The following SPTLC1 variants were observed in gnomAD, a reference collection of about 807,000 sequenced individuals.
SPTLC1 encodes the protein serine palmitoyltransferase long chain base subunit 1.
SPTLC1 carries 55 observed loss-of-function variants against 68.9 expected under a neutral mutation model. That is an observed-to-expected ratio of 0.80 (90% CI 0.64 to 1.00). The LOEUF is 1.00. Among genes scored for constraint, SPTLC1 ranks in the 50% least tolerant of loss-of-function variants. The probability of loss-of-function intolerance (pLI) is 0.00; values close to 1 mark genes in which losing one functional copy is unlikely to be tolerated. For synonymous variants in SPTLC1, 197 were observed against 201.6 expected (o/e 0.98, Z 0.19); for missense variants, 449 against 573.1 (o/e 0.78, Z 2.21).
chr9:92,073,499 T>G (rs1321786022), intron 5 of SPTLC1, among the ~76,000 whole-genome samples: 6 of 152,138 alleles, frequency 3.9e-5, no homozygotes, highest in Admixed American at 6.5e-5. Context: ...AGCCGTGAAT[T>G]ATGACAAACT....
At chr9:92,092,742 C>G (rs867645973) in intron 3 of SPTLC1, among the ~76,000 whole-genome samples, 16 of 151,746 alleles carry the variant, frequency 1.1e-4, no homozygotes, top group Middle Eastern at 3.4e-3. Context: ...CTCCCTCCCC[C>G]CAAAAAAAGT....
chr9:92,034,622 G>A (rs1833080647), intron 14 of SPTLC1, among the ~76,000 whole-genome samples, 188 bp downstream of exon 14: 1 of 152,172 alleles, frequency 6.6e-6, no homozygotes, highest in Non-Finnish European at 1.5e-5. Context: ...GTGAGTCCTT[G>A]GGAGCTTTTC....
intron 4 of SPTLC1, among the ~76,000 whole-genome samples, chr9:92,080,383 A>G (rs959294098): frequency 1.3e-5 from 2 of 152,180 alleles, no homozygotes; most frequent in Non-Finnish European, 2.9e-5. Flanking sequence ...ACCCTTCTCC[A>G]ACTATTCTCT....
At chr9:92,109,534 C>T (rs1836144839) in intron 2 of SPTLC1, 2 of 152,216 alleles carry the variant, frequency 1.3e-5, no homozygotes, top group Admixed American at 6.5e-5. Context: ...TTTCACCCTT[C>T]CACAAATCTC....
In SPTLC1 at chr9:92,031,521, C is replaced by A. The variant is rs1183677012; in HGVS notation, c.*944G>T. 1 of 152,104 alleles carries A rather than the reference C, an allele frequency of 6.6e-6. No homozygotes were observed. The highest frequency in any genetic ancestry group is 1.9e-4 in the East Asian group (1 of 5,198). 9.4% of individuals were successfully genotyped at this position (152,104 alleles called of 1,614,324 possible). On this transcript the variant is annotated 3_prime_UTR_variant, in exon 15 of 15. Coordinates refer to ENST00000262554, the MANE Select transcript of SPTLC1 (RefSeq NM_006415.4). ...AATGGTATTTTTAGTGCTTTCACAT[C>A]TTTTGTAGATATCTGGAATTTGTAA...
chr9:92,033,296 T>C (rs1175959969), intron 14 of SPTLC1, among the ~76,000 whole-genome samples: 2 of 152,236 alleles, frequency 1.3e-5, no homozygotes, highest in Non-Finnish European at 2.9e-5. Flanking sequence ...TTTATGTCAA[T>C]AGCAATGTGA....
intron 3 of SPTLC1, chr9:92,105,271 T>G (rs1404452514): frequency 6.5e-7 from 1 of 1,534,362 alleles, no homozygotes; most frequent in African/African-American, 1.4e-5. Context: ...AGCTTCCATG[T>G]CTATCTCCTG....
At chr9:92,089,654 A>C (rs1835285360) in intron 3 of SPTLC1, among the ~76,000 whole-genome samples, 1 of 152,236 alleles carries the variant, frequency 6.6e-6, no homozygotes, top group Non-Finnish European at 1.5e-5. Flanking sequence ...CTCTACAGGG[A>C]AAAACTGGAG....
At chr9:92,065,105 A>G (rs1412611828) in intron 6 of SPTLC1, among the ~76,000 whole-genome samples, 1 of 152,228 alleles carries the variant, frequency 6.6e-6, no homozygotes, top group Non-Finnish European at 1.5e-5. Context: ...AAAAGTACAA[A>G]GGATTTCTAT....
intron 3 of SPTLC1, among the ~76,000 whole-genome samples, chr9:92,089,910 G>A (rs12352341): frequency 0.11 from 16,416 of 152,202 alleles, 1,916 homozygotes; most frequent in African/African-American, 0.3. Flanking sequence ...ACACAGGCCA[G>A]GCCATGATGA....
intron 10 of SPTLC1, 60 bp from the exon 11 acceptor site, chr9:92,047,328 A>G: frequency 7.1e-7 from 1 of 1,413,742 alleles, no homozygotes; most frequent in Non-Finnish European, 1.0e-6. Context: ...TAAACATTTG[A>G]AAGGCACCAG....
At position 92,079,710 on chromosome 9, in the gene SPTLC1, C is replaced by T. The variant is rs111745922; in HGVS notation, c.427+306G>A. On this transcript the variant is annotated intron_variant, in intron 5 of 14. Transcript: ENST00000262554. ...TCCGCTCTCATCAGTGGACTGTGGGCAGAAGTATGAGGCCATCTCCCCTGC... is the reference window on the plus strand; with the variant it reads ...TCCGCTCTCATCAGTGGACTGTGGGTAGAAGTATGAGGCCATCTCCCCTGC... 903 of 777,812 alleles carry T rather than the reference C, an allele frequency of 1.2e-3. 8 individuals are homozygous for T. In the African/African-American group the frequency reaches 0.014, roughly 12 times the overall value. 48.2% of individuals were successfully genotyped at this position (777,812 alleles called of 1,614,324 possible).
chr9:92,036,908 T>C (rs998790244), intron 13 of SPTLC1, among the ~76,000 whole-genome samples: 3 of 151,890 alleles, frequency 2.0e-5, no homozygotes, highest in African/African-American at 7.3e-5. Flanking sequence ...GTCCACAGAG[T>C]TGTGCCTGAG....
intron 7 of SPTLC1, 141 bp downstream of exon 7, chr9:92,059,038 A>AGTC (rs1380226625): frequency 2.0e-6 from 2 of 1,001,850 alleles, no homozygotes; most frequent in African/African-American, 3.4e-5. Flanking sequence ...TCCAACACCA[A>AGTC]GTACATTTAA....
At chr9:92,071,566 G>A (rs1834493003) in intron 5 of SPTLC1, among the ~76,000 whole-genome samples, 1 of 152,162 alleles carries the variant, frequency 6.6e-6, no homozygotes, top group African/African-American at 2.4e-5. Flanking sequence ...GTGTTCTAAA[G>A]CCATGCAAGC....
In SPTLC1 at chr9:92,091,470, G is replaced by A. The variant is rs1355282237; in HGVS notation, c.261-10507C>T. Among the ~76,000 whole-genome samples the A allele has an allele frequency of 7.9e-5, 12 of 152,192 alleles. 1 individual carries two copies. The highest frequency in any genetic ancestry group is 7.9e-4 in the Admixed American group (12 of 15,282). ...ATATGGTATCCAAGATGCCTAGGAA[G>A]AATTAGAATAAAACTGCTGCATGGG... On this transcript the variant is annotated intron_variant, in intron 3 of 14. Transcript: ENST00000262554.
chr9:92,103,515 C>T (rs1458957794), intron 3 of SPTLC1, among the ~76,000 whole-genome samples: 1 of 152,242 alleles, frequency 6.6e-6, no homozygotes, highest in Admixed American at 6.5e-5. Context: ...CAAAGCCTGG[C>T]TGGGCCATGA....
At chr9:92,095,730 A>G (rs1835506379) in intron 3 of SPTLC1, among the ~76,000 whole-genome samples, 3 of 152,234 alleles carry the variant, frequency 2.0e-5, no homozygotes, top group Admixed American at 2.0e-4. Context: ...ACAAGGAGAA[A>G]GGTGACAAAA....
Position 92,067,993 on chromosome 9 carries a change from T to G in SPTLC1, c.533A>C (p.Tyr178Ser). 6.2e-7 allele frequency: 1 copy of G among 1,614,128 alleles called. No homozygotes were observed. The highest frequency in any genetic ancestry group is 8.5e-7 in the Non-Finnish European group (1 of 1,179,998). ...AAAAACAATGTCCCCTCTTTTAGAG[T>G]AAGCAGGAATAGCACTGGCTATGGT... Reference protein sequence around the residue: ...FATIASAIPAYSKRGDIVFVD... With the variant: ...FATIASAIPASSKRGDIVFVD... The change falls in exon 6 of 15, where the codon TAC (tyrosine) becomes TCC (serine). Residue 178 changes from tyrosine to serine, a missense_variant. Around this residue, in one of 3 missense-constraint regions of SPTLC1, gnomAD observed 391 missense variants for 472.1 expected, o/e 0.83. Coordinates refer to ENST00000262554, the MANE Select transcript of SPTLC1 (RefSeq NM_006415.4).
Sources: gnomAD v4.1 joint callset for allele counts (sites outside exome capture counted in the v4.1 genomes callset) on GRCh38, gnomAD v4.1.1 for gene constraint, gnomAD v4.1.1 regional missense constraint, MANE v1.5 for transcripts, NCBI Gene and HGNC (gene_info 2026-07-23, HGNC 2026-07-21) for gene names.